HTT: variants seen among roughly 807,000 people sequenced by gnomAD.
The protein encoded by HTT is huntington disease protein.
Under a neutral mutation model 362.3 loss-of-function variants are expected in HTT, and 104 were observed. The ratio of observed to expected loss-of-function variants is 0.29; its 90% CI spans 0.24 to 0.34. HTT has a LOEUF of 0.34. HTT is among the 10% of genes least tolerant of loss of function. The pLI is 1.00. For synonymous variants in HTT, 1,577 were observed against 1,548.7 expected (o/e 1.02, Z -0.43); for missense variants, 3,301 against 3,928.6 (o/e 0.84, Z 4.27).
At chr4:3,088,731 G>A (rs1292866095) in intron 2 of HTT, among the ~76,000 whole-genome samples, 2 of 151,654 alleles carry the variant, frequency 1.3e-5, no homozygotes, top group African/African-American at 4.8e-5. Flanking sequence ...GATTCCTACA[G>A]GATTTGTGTT....
At position 3,132,970 on chromosome 4, in the gene HTT, C is replaced by A. The variant is rs528469093; in HGVS notation, c.2493+59C>A. 4.0e-6 allele frequency: 5 copies of A among 1,255,620 alleles called. No individual in the cohort carries two copies. In the Admixed American group the frequency reaches 5.1e-5, roughly 13 times the overall value. The allele number at this position is 1,255,620 out of a possible 1,614,324, so 77.8% of individuals were successfully genotyped here. ...CTTAGTGGACATTTTATCATTGCTA[C>A]AATTAAAATTGGAGCTTAATAGGAA... On this transcript the variant is annotated intron_variant, in intron 18 of 66. Transcript: ENST00000355072.
At chr4:3,090,493 CATAAAT>C (rs1431996357) in intron 2 of HTT, among the ~76,000 whole-genome samples, 3 of 152,122 alleles carry the variant, frequency 2.0e-5, no homozygotes, top group Admixed American at 1.3e-4. Flanking sequence ...GCTAGGTAAA[CATAAAT>C]ATACAAAAAT....
At chr4:3,178,032 G>A (rs1718314787) in intron 34 of HTT, among the ~76,000 whole-genome samples, 1 of 152,182 alleles carries the variant, frequency 6.6e-6, no homozygotes, top group Admixed American at 6.5e-5. Flanking sequence ...AGGCAGAGGA[G>A]AGCTAGGAAG....
At chr4:3,199,436 A>C (rs966412737) in intron 40 of HTT, among the ~76,000 whole-genome samples, 4 of 151,914 alleles carry the variant, frequency 2.6e-5, no homozygotes, top group African/African-American at 7.3e-5. Context: ...GCTACTTGGG[A>C]GGCTGAGGCA....
intron 33 of HTT, among the ~76,000 whole-genome samples, chr4:3,176,318 C>T (rs538189134): frequency 9.8e-5 from 15 of 152,308 alleles, no homozygotes; most frequent in South Asian, 2.1e-4. Flanking sequence ...TGAGCCACCG[C>T]GCCCGGCCTG....
At chr4:3,151,758 G>T (rs544068335) in intron 26 of HTT, among the ~76,000 whole-genome samples, 2 of 152,280 alleles carry the variant, frequency 1.3e-5, no homozygotes, top group South Asian at 4.2e-4. Flanking sequence ...GGTCCCTGGT[G>T]CCAAAAAGTT....
At chr4:3,155,058 C>A (rs1717075012) in intron 27 of HTT, among the ~76,000 whole-genome samples, 1 of 151,956 alleles carries the variant, frequency 6.6e-6, no homozygotes, top group Non-Finnish European at 1.5e-5. Context: ...CATGAAGTGA[C>A]TGCTGCTGCC....
At chr4:3,174,454 C>A (rs1718137214) in intron 31 of HTT, among the ~76,000 whole-genome samples, 1 of 152,164 alleles carries the variant, frequency 6.6e-6, no homozygotes, top group Admixed American at 6.5e-5. Flanking sequence ...AGTCAGTTTC[C>A]TGTAGCAGAA....
chr4:3,190,372 A>G (rs1442818561), intron 40 of HTT, among the ~76,000 whole-genome samples: 1 of 148,412 alleles, frequency 6.7e-6, no homozygotes, highest in Non-Finnish European at 1.5e-5. Context: ...AAAAAAAAGT[A>G]AACCTGAGAG....
At chr4:3,207,471 G>A (rs1719923071) in intron 45 of HTT, 114 bp downstream of exon 45, 1 of 826,506 alleles carries the variant, frequency 1.2e-6, no homozygotes, top group Non-Finnish European at 2.0e-6. Context: ...TTATAGGTGG[G>A]TTTACTGCAG....
At chr4:3,223,661 C>T (rs1720777144) in intron 55 of HTT, 101 bp downstream of exon 55, 48 of 1,114,132 alleles carry the variant, frequency 4.3e-5, no homozygotes, top group Non-Finnish European at 5.8e-5. Context: ...CGTTTTCCTT[C>T]ATTGCTAGAA....
At chr4:3,226,264 A>C (rs1017115458) in intron 57 of HTT, among the ~76,000 whole-genome samples, 3 of 152,090 alleles carry the variant, frequency 2.0e-5, no homozygotes, top group Non-Finnish European at 4.4e-5. Flanking sequence ...GCCACTTCCT[A>C]GCAGGTCACA....
At chr4:3,141,476 T>C (rs976468481) in intron 22 of HTT, among the ~76,000 whole-genome samples, 2 of 152,100 alleles carry the variant, frequency 1.3e-5, no homozygotes, top group South Asian at 2.1e-4. Flanking sequence ...AAAAAACACA[T>C]GGAAGGCTGG....
intron 42 of HTT, among the ~76,000 whole-genome samples, chr4:3,205,849 C>T (rs976058127): frequency 3.9e-5 from 6 of 152,178 alleles, no homozygotes; most frequent in East Asian, 3.8e-4. Flanking sequence ...AGGAATTGAT[C>T]ACATTTTACA....
At chr4:3,144,845 T>C (rs1315946026) in intron 23 of HTT, among the ~76,000 whole-genome samples, 1 of 152,112 alleles carries the variant, frequency 6.6e-6, no homozygotes, top group African/African-American at 2.4e-5. Flanking sequence ...GACGATGTGG[T>C]AAGCTGGAGC....
At chr4:3,128,877 C>T (rs554667355) in intron 12 of HTT, 9 of 152,224 alleles carry the variant, frequency 5.9e-5, no homozygotes, top group African/African-American at 1.2e-4. Context: ...CCACCCATCT[C>T]TGTAACCTTT....
chr4:3,079,925 C>T (rs1712798653), intron 1 of HTT, among the ~76,000 whole-genome samples: 1 of 152,182 alleles, frequency 6.6e-6, no homozygotes, highest in African/African-American at 2.4e-5. Context: ...ACTTGTTGAA[C>T]TCTGCTAAGT....
Position 3,222,380 on chromosome 4 carries a change from T to C in HTT, c.7370-7T>C, listed in dbSNP as rs1161637269. 1.9e-6 allele frequency: 3 copies of C among 1,612,180 alleles called. No homozygotes were observed. In the African/African-American group the frequency reaches 4.0e-5, roughly 22 times the overall value. On this transcript the variant is annotated splice_polypyrimidine_tract_variant and splice_region_variant and intron_variant, in intron 53 of 66. Transcript: ENST00000355072. Reference sequence around the variant, plus strand: ...GACACTCTCTCATGTAACATTTATATTTCTAGGCTGGACCAGTCGTACTCA... The same window carrying C: ...GACACTCTCTCATGTAACATTTATACTTCTAGGCTGGACCAGTCGTACTCA...
chr4:3,214,825 C>A (rs140919237), intron 50 of HTT, among the ~76,000 whole-genome samples: 1 of 149,838 alleles, frequency 6.7e-6, no homozygotes, highest in Non-Finnish European at 1.5e-5. Flanking sequence ...TATCTTGAGC[C>A]GTCTCATAAT....
Sources: allele counts gnomAD v4.1 joint callset (sites outside exome capture counted in the v4.1 genomes callset), GRCh38; gene constraint gnomAD v4.1.1; transcripts MANE v1.5; gene names NCBI Gene and HGNC (gene_info 2026-07-23, HGNC 2026-07-21).